Variants in ANK2 observed in about 807,000 individuals in gnomAD.
ANK2 encodes ankyrin 2.
A neutral mutation model predicts 360.5 loss-of-function variants in ANK2; 83 were observed. That is an observed-to-expected ratio of 0.23 (90% CI 0.19 to 0.28). ANK2 has a LOEUF of 0.28. Among genes scored for constraint, ANK2 ranks in the 10% least tolerant of loss-of-function variants. ANK2 has a pLI of 1.00. For synonymous variants in ANK2, 1,740 were observed against 1,759.5 expected, an observed-to-expected ratio of 0.99 and a Z score of 0.28; for missense variants, 4,201 against 4,795.7, an observed-to-expected ratio of 0.88 and a Z score of 3.66.
intron 2 of ANK2, among the ~76,000 whole-genome samples, chr4:112,943,856 T>G (rs1394109784): frequency 1.3e-5 from 2 of 152,134 alleles, no homozygotes; most frequent in African/African-American, 4.8e-5. Flanking sequence ...ATTTAGTTTA[T>G]CTTCTGGCAC....
At chr4:113,207,404 T>C (rs895434582) in intron 4 of ANK2, among the ~76,000 whole-genome samples, 1 of 152,158 alleles carries the variant, frequency 6.6e-6, no homozygotes, top group African/African-American at 2.4e-5. Flanking sequence ...GGAACTAAAT[T>C]TGTAGTCAGT....
At chr4:113,232,871 G>C (rs1170712709) in intron 5 of ANK2, among the ~76,000 whole-genome samples, 2 of 152,126 alleles carry the variant, frequency 1.3e-5, no homozygotes, top group Non-Finnish European at 2.9e-5. Context: ...TCTTTCCTAA[G>C]CATTTCTTAT....
At chr4:113,003,080 G>A (rs1466821521) in intron 2 of ANK2, among the ~76,000 whole-genome samples, 1 of 152,188 alleles carries the variant, frequency 6.6e-6, no homozygotes, top group Non-Finnish European at 1.5e-5. Flanking sequence ...AGTGGTTTTA[G>A]AGACCTGTGT....
chr4:113,021,565 T>C (rs183230631), intron 2 of ANK2, among the ~76,000 whole-genome samples: 20,653 of 137,878 alleles, frequency 0.15, 3,071 homozygotes, highest in East Asian at 0.41. Context: ...TATATATATA[T>C]ATATATATAT....
the ANK2 span, among the ~76,000 whole-genome samples, chr4:112,758,251 A>T: frequency 2.0e-5 from 3 of 152,084 alleles, no homozygotes; most frequent in Non-Finnish European, 4.4e-5. Flanking sequence ...ACACATTCTA[A>T]CATTAAATTA....
chr4:113,207,910 G>A (rs916222587), intron 4 of ANK2, among the ~76,000 whole-genome samples: 3 of 152,104 alleles, frequency 2.0e-5, no homozygotes, highest in Non-Finnish European at 4.4e-5. Flanking sequence ...ATAAAAGAAA[G>A]TGTTAATGCG....
At chr4:112,760,250 G>A in the ANK2 span, among the ~76,000 whole-genome samples, 9 of 149,656 alleles carry the variant, frequency 6.0e-5, no homozygotes, top group Non-Finnish European at 1.0e-4. Context: ...TCAGTGGCGC[G>A]ATATCGGCTC....
At chr4:113,314,428 C>G (rs899127695) in intron 24 of ANK2, among the ~76,000 whole-genome samples, 6 of 152,000 alleles carry the variant, frequency 3.9e-5, no homozygotes, top group African/African-American at 1.5e-4. Flanking sequence ...GCAGTTGTAC[C>G]GTAGTAAAAT....
intron 2 of ANK2, among the ~76,000 whole-genome samples, chr4:112,939,917 G>A (rs1231800102): frequency 2.0e-5 from 3 of 152,156 alleles, no homozygotes; most frequent in Non-Finnish European, 4.4e-5. Context: ...ATCATAATAT[G>A]CTTTCAGTTA....
At chr4:113,053,736 G>T (rs1233968279) in intron 1 of ANK2, among the ~76,000 whole-genome samples, 1 of 152,114 alleles carries the variant, frequency 6.6e-6, no homozygotes, top group Admixed American at 6.5e-5. Context: ...TGGGACTGCA[G>T]GCATGTGCCA....
chr4:113,236,858 C>A, intron 5 of ANK2, 129 bp from the exon 6 acceptor site: 1 of 950,812 alleles, frequency 1.1e-6, no homozygotes, highest in Non-Finnish European at 1.6e-6. Flanking sequence ...TGCTTCTAAT[C>A]TTCCCAGTAA....
chr4:112,705,816 C>T, the ANK2 span, among the ~76,000 whole-genome samples: 1 of 152,206 alleles, frequency 6.6e-6, no homozygotes. Flanking sequence ...CCCGGCAGCT[C>T]GCACTTTCAG....
chr4:112,966,982 T>G (rs2037536423), intron 2 of ANK2, among the ~76,000 whole-genome samples: 1 of 152,142 alleles, frequency 6.6e-6, no homozygotes, highest in Non-Finnish European at 1.5e-5. Flanking sequence ...TCCTTTGGTA[T>G]AAGAGTGATT....
chr4:112,967,900 A>G (rs896893263), intron 2 of ANK2, among the ~76,000 whole-genome samples: 1 of 152,210 alleles, frequency 6.6e-6, no homozygotes, highest in Non-Finnish European at 1.5e-5. Flanking sequence ...AAGACTGTGG[A>G]ATCCATCGTC....
At chr4:113,290,939 C>T (rs2067226698) in intron 20 of ANK2, among the ~76,000 whole-genome samples, 1 of 152,170 alleles carries the variant, frequency 6.6e-6, no homozygotes, top group Non-Finnish European at 1.5e-5. Flanking sequence ...TGGCAAATAT[C>T]CTCACTGGGG....
At position 113,237,264 on chromosome 4, in the gene ANK2, G is replaced by A. The variant is rs2099390749; in HGVS notation, c.669+92G>A. On this transcript the variant is annotated intron_variant, in intron 6 of 45. Transcript: ENST00000357077. ...TAAAGAAGTAGGCCATGGTGATAAT[G>A]CAAAATTATTTCTGGTCATAAAAAG... 9 of 1,422,000 alleles carry A rather than the reference G, an allele frequency of 6.3e-6. No homozygotes were observed. In the Admixed American group the frequency reaches 1.2e-4, roughly 19 times the overall value. The allele number at this position is 1,422,000 out of a possible 1,614,324, so 88.1% of individuals were successfully genotyped here. A position where few individuals can be genotyped will look rare whatever the true frequency, so the allele number is the denominator to read the frequency against.
intron 1 of ANK2, among the ~76,000 whole-genome samples, chr4:112,894,834 C>T (rs1413475623): frequency 6.6e-6 from 1 of 152,172 alleles, no homozygotes; most frequent in Non-Finnish European, 1.5e-5. Context: ...ATGAAACATG[C>T]TTTAGAACAG....
Position 113,340,601 on chromosome 4 carries a change from C to T in ANK2, c.3894-1087C>T, listed in dbSNP as rs375213190. 3.8e-4 allele frequency among the ~76,000 whole-genome samples: 58 copies of T among 152,116 alleles called. 4 individuals carry two copies. The South Asian group carries it at 0.011, about 30-fold the overall frequency. The stretch of plus-strand genomic sequence containing the variant: ...GTCCTAGGAACCAGGGAGGTTGAGG[C>T]GGGAGGATCTCTTGAGCCCAGAGAG... On this transcript the variant is annotated intron_variant, in intron 32 of 45. Coordinates refer to ENST00000357077, the MANE Select transcript of ANK2 (RefSeq NM_001148.6).
intron 2 of ANK2, among the ~76,000 whole-genome samples, chr4:112,960,786 C>T (rs112151308): frequency 0.012 from 1,896 of 152,156 alleles, 37 homozygotes; most frequent in African/African-American, 0.042. Flanking sequence ...TATATATTGG[C>T]TTGTCAAGTT....
Sources: allele counts gnomAD v4.1 joint callset (sites outside exome capture counted in the v4.1 genomes callset), GRCh38; gene constraint gnomAD v4.1.1; transcripts MANE v1.5; gene names NCBI Gene and HGNC (gene_info 2026-07-23, HGNC 2026-07-21).